The following HEATR4 variants were observed in gnomAD, a reference collection of about 807,000 sequenced individuals.
HEATR4 encodes the protein HEAT repeat containing 4, also known as HEAT repeat-containing protein 4.
Under a neutral mutation model 108.8 loss-of-function variants are expected in HEATR4, and 95 were observed. The observed-to-expected ratio is 0.87, with a 90% CI of 0.74 to 1.04. HEATR4 has a LOEUF of 1.04. Ranked by LOEUF, HEATR4 falls within the 50% of genes least tolerant of loss-of-function variation. The probability of loss-of-function intolerance (pLI) is 0.00; values close to 1 mark genes in which losing one functional copy is unlikely to be tolerated. For synonymous variants in HEATR4, 443 were observed against 459.4 expected (o/e 0.96, Z 0.46); for missense variants, 1,152 against 1,253.8 (o/e 0.92, Z 1.23).
At chr14:73,612,676 C>A in the HEATR4 span, 1 of 1,411,054 alleles carries the variant, frequency 7.1e-7, no homozygotes. Flanking sequence ...TCACGCTGCG[C>A]ACGTCCCTGC....
chr14:73,509,554 T>C, intron 7 of HEATR4, 81 bp from the exon 8 acceptor site: 2 of 1,451,426 alleles, frequency 1.4e-6, no homozygotes, highest in Admixed American at 3.5e-5. Flanking sequence ...AGCCATGTGG[T>C]GGCCAACCTC....
At chr14:73,572,639 A>ATTTT in the HEATR4 span, among the ~76,000 whole-genome samples, 1 of 107,174 alleles carries the variant, frequency 9.3e-6, no homozygotes, top group Non-Finnish European at 1.9e-5. Context: ...AGGTGTTTGC[A>ATTTT]TTTTTTTTTT....
chr14:73,631,127 G>T, the HEATR4 span, among the ~76,000 whole-genome samples: 1 of 152,056 alleles, frequency 6.6e-6, no homozygotes, highest in African/African-American at 2.4e-5. Context: ...ATAGATAAAT[G>T]GGATAAGATT....
At chr14:73,581,308 C>T in the HEATR4 span, 1 of 152,000 alleles carries the variant, frequency 6.6e-6, no homozygotes, top group Non-Finnish European at 1.5e-5. Context: ...AGGGCCTGTT[C>T]CTCATAGATG....
At chr14:73,559,098 T>G (rs1889459797), upstream of HEATR4, among the ~76,000 whole-genome samples, 1 of 152,026 alleles carries the variant, frequency 6.6e-6, no homozygotes, top group African/African-American at 2.4e-5. Context: ...GCATCTTATT[T>G]ATTGATTATT....
chr14:73,619,830 C>T, the HEATR4 span: 1 of 1,595,176 alleles, frequency 6.3e-7, no homozygotes. Flanking sequence ...TCAAGCACAG[C>T]AAAATATAAC....
At chr14:73,539,302 T>A (rs1205442180) in intron 1 of HEATR4, 2 of 117,206 alleles carry the variant, frequency 1.7e-5, no homozygotes, top group African/African-American at 5.6e-5. Flanking sequence ...TCCCTGTGCA[T>A]GGCAGGACCA....
chr14:73,560,816 C>G (rs1889521022), upstream of HEATR4, among the ~76,000 whole-genome samples: 1 of 151,932 alleles, frequency 6.6e-6, no homozygotes, highest in Non-Finnish European at 1.5e-5. Flanking sequence ...GACCCTGTTT[C>G]TAATAAATCA....
chr14:73,579,591 A>G, the HEATR4 span, among the ~76,000 whole-genome samples: 1 of 150,812 alleles, frequency 6.6e-6, no homozygotes. Flanking sequence ...AAAAAAAAAA[A>G]AAAAAAGTAG....
In HEATR4 at chr14:73,493,048, C is replaced by G; in HGVS notation, c.2844+18G>C. 3 of 1,596,414 alleles carry G rather than the reference C, an allele frequency of 1.9e-6. No individual in the cohort carries two copies. Among genetic ancestry groups the G allele is most frequent in the Non-Finnish European group, 2.6e-6 (3 of 1,172,190 alleles). ...CTCACGTTCTTACCTTGATAAGCAT[C>G]AGTGTGCTCACATTTACCTTTATCA... On this transcript the variant is annotated intron_variant, in intron 17 of 17. Transcript: ENST00000553558.
chr14:73,564,845 C>T, the HEATR4 span, among the ~76,000 whole-genome samples: 1 of 147,204 alleles, frequency 6.8e-6, no homozygotes, highest in Non-Finnish European at 1.5e-5. Flanking sequence ...GCTGGAACTA[C>T]AAGCATGAAC....
In HEATR4 at chr14:73,493,071, T is replaced by TCACTGCTTCAGTGTCACAAAC. The variant is rs1289311612; in HGVS notation, c.2818_2838dup (p.Val940_Val946dup). 6.2e-7 allele frequency: 1 copy of TCACTGCTTCAGTGTCACAAAC among 1,613,238 alleles called. No individual in the cohort carries two copies. The highest frequency in any genetic ancestry group is 1.7e-5 in the Admixed American group (1 of 59,924). ...ATCAGTGTGCTCACATTTACCTTTA[T>TCACTGCTTCAGTGTCACAAAC]CACTGCTTCAGTGTCACAAACCTCG... On this transcript the variant is annotated inframe_insertion, in exon 17 of 18. Transcript: ENST00000553558.
chr14:73,517,721 G>A (rs117699594), intron 5 of HEATR4, among the ~76,000 whole-genome samples: 1,869 of 150,092 alleles, frequency 0.012, 16 homozygotes, highest in South Asian at 0.025. Context: ...GGGGAAGGGG[G>A]AAGAGAGGAA....
At chr14:73,491,885 T>A in intron 17 of HEATR4, 1 of 1,611,836 alleles carries the variant, frequency 6.2e-7, no homozygotes, top group Non-Finnish European at 8.5e-7. Flanking sequence ...GTGGTCCCTG[T>A]ACCAGGCCGG....
At chr14:73,525,830 AT>A (rs1418152896) in intron 2 of HEATR4, among the ~76,000 whole-genome samples, 1 of 152,022 alleles carries the variant, frequency 6.6e-6, no homozygotes, top group Non-Finnish European at 1.5e-5. Context: ...GTGGGGGCCT[AT>A]AATCCCAGCT....
At chr14:73,493,215 C>T in intron 16 of HEATR4, 91 bp from the exon 17 acceptor site, 5 of 1,006,846 alleles carry the variant, frequency 5.0e-6, no homozygotes, top group East Asian at 4.8e-5. Context: ...CACCTTCAGG[C>T]TTCAGTGTAC....
chr14:73,500,769 CT>C, intron 11 of HEATR4, 39 bp from the exon 12 acceptor site: 2 of 1,587,746 alleles, frequency 1.3e-6, no homozygotes, highest in South Asian at 1.1e-5. Flanking sequence ...CCTCCTTAAA[CT>C]TTCAGTACCT....
At chr14:73,595,728 G>A in the HEATR4 span, 3 of 1,460,778 alleles carry the variant, frequency 2.1e-6, no homozygotes, top group Non-Finnish European at 2.7e-6. Flanking sequence ...TGAATCAGAT[G>A]TCTCCTGGAT....
At chr14:73,609,094 T>C in the HEATR4 span, among the ~76,000 whole-genome samples, 2 of 152,192 alleles carry the variant, frequency 1.3e-5, no homozygotes, top group African/African-American at 4.8e-5. Flanking sequence ...AGCCAAACCA[T>C]ATCAGGTGTA....
Sources: allele counts gnomAD v4.1 joint callset (sites outside exome capture counted in the v4.1 genomes callset), GRCh38; gene constraint gnomAD v4.1.1; transcripts MANE v1.5; gene names NCBI Gene and HGNC (gene_info 2026-07-23, HGNC 2026-07-21).